Variants in MRRF observed in about 807,000 individuals in gnomAD.
MRRF encodes the protein mitochondrial ribosome recycling factor.
Under a neutral mutation model 25.1 loss-of-function variants are expected in MRRF, and 18 were observed. The observed-to-expected ratio is 0.72, with a 90% CI of 0.50 to 1.06. The LOEUF is 1.06. Ranked by LOEUF, MRRF falls within the 50% of genes least tolerant of loss-of-function variation. The pLI is 0.00. For synonymous variants in MRRF, 113 were observed against 112.1 expected, an observed-to-expected ratio of 1.01 and a Z score of -0.05; for missense variants, 323 against 319.3, an observed-to-expected ratio of 1.01 and a Z score of -0.09.
chr9:122,286,125 C>T (rs1212138671), intron 4 of MRRF: 6 of 1,261,684 alleles, frequency 4.8e-6, no homozygotes, highest in East Asian at 5.6e-5. Context: ...GGGCAAGTTG[C>T]TTCACTCTCT....
chr9:122,317,545 T>C (rs1429126713), intron 6 of MRRF, among the ~76,000 whole-genome samples: 2 of 152,190 alleles, frequency 1.3e-5, no homozygotes, highest in Non-Finnish European at 2.9e-5. Context: ...TTCATTAGAA[T>C]CTACATAGAA....
intron 4 of MRRF, 72 bp from the exon 5 acceptor site, chr9:122,291,677 G>T: frequency 9.3e-7 from 1 of 1,073,730 alleles, no homozygotes; most frequent in South Asian, 1.2e-5. Flanking sequence ...TGGGTTGCCA[G>T]TTATCGACAG....
At chr9:122,292,518 T>C (rs1833839100) in intron 5 of MRRF, among the ~76,000 whole-genome samples, 1 of 152,148 alleles carries the variant, frequency 6.6e-6, no homozygotes, top group Admixed American at 6.5e-5. Flanking sequence ...AGAGAAAATA[T>C]AAGACCTTGA....
At chr9:122,309,560 CAAAG>C (rs1835078401) in intron 5 of MRRF, among the ~76,000 whole-genome samples, 1 of 152,190 alleles carries the variant, frequency 6.6e-6, no homozygotes, top group African/African-American at 2.4e-5. Context: ...TGGGGTCCCA[CAAAG>C]AAAGGTTGGT....
chr9:122,319,129 G>A (rs890209994), intron 6 of MRRF, among the ~76,000 whole-genome samples: 9 of 150,286 alleles, frequency 6.0e-5, no homozygotes, highest in Non-Finnish European at 1.3e-4. Flanking sequence ...CCACACCACT[G>A]AACTTCTTTC....
chr9:122,269,622 G>A (rs1475676908), intron 1 of MRRF, among the ~76,000 whole-genome samples: 1 of 152,158 alleles, frequency 6.6e-6, no homozygotes, highest in Non-Finnish European at 1.5e-5. Flanking sequence ...AGCTACTTGG[G>A]AGGCTGAGGC....
At chr9:122,269,672 G>T (rs2119022895) in intron 1 of MRRF, among the ~76,000 whole-genome samples, 1 of 152,242 alleles carries the variant, frequency 6.6e-6, no homozygotes, top group South Asian at 2.1e-4. Context: ...GTTGCTGTGA[G>T]CCAAGATCGT....
chr9:122,313,486 T>C (rs1027489785), intron 6 of MRRF, 100 bp downstream of exon 6: 1 of 1,293,166 alleles, frequency 7.7e-7, no homozygotes, highest in Non-Finnish European at 1.1e-6. Flanking sequence ...ACCTCTGATC[T>C]TTCATTCACA....
chr9:122,286,261 T>C, intron 4 of MRRF: 1 of 1,204,944 alleles, frequency 8.3e-7, no homozygotes, highest in Non-Finnish European at 1.1e-6. Context: ...CAAACTAGGC[T>C]AGAGATAGGA....
intron 4 of MRRF, 186 bp downstream of exon 4, chr9:122,285,473 C>A (rs1833338844): frequency 1.6e-6 from 1 of 630,010 alleles, no homozygotes; most frequent in Non-Finnish European, 2.9e-6. Flanking sequence ...AACTCAGATG[C>A]TACAGAGGCT....
At chr9:122,269,027 G>A (rs903766487) in intron 1 of MRRF, among the ~76,000 whole-genome samples, 3 of 151,910 alleles carry the variant, frequency 2.0e-5, no homozygotes, top group Non-Finnish European at 2.9e-5. Context: ...TTAGCCGGGC[G>A]TGGTGGCAGG....
rs1483816807 is a variant in MRRF, at chr9:122,272,985, G to A, written c.184+1910G>A. Among the ~76,000 whole-genome samples, 3 of 152,076 alleles carry A rather than the reference G, an allele frequency of 2.0e-5. No homozygotes were observed. The South Asian group carries it at 6.2e-4, about 32-fold the overall frequency. On this transcript the variant is annotated intron_variant, in intron 2 of 6. Coordinates refer to ENST00000344641, the MANE Select transcript of MRRF (RefSeq NM_138777.5). Reference sequence around the variant, plus strand: ...TTGTGTCTGAGCTGTTGATTTTATTGAACTGCTTATCTCTCCCTTCAGTAA... The same window carrying A: ...TTGTGTCTGAGCTGTTGATTTTATTAAACTGCTTATCTCTCCCTTCAGTAA...
chr9:122,288,038 C>T (rs1487210233), intron 4 of MRRF, among the ~76,000 whole-genome samples: 2 of 152,130 alleles, frequency 1.3e-5, no homozygotes, highest in Admixed American at 1.3e-4. Context: ...TGTAGTGACA[C>T]GATGCAGATT....
rs1028221470 is a variant in MRRF, at chr9:122,325,686, T to G, written c.*3069T>G. ...TGTGTGTGTGTGTGTGTGTGTGTGT[T>G]GGAAATTACAAAATAAGTTGGAATG... On this transcript the variant is annotated 3_prime_UTR_variant, in exon 7 of 7. Coordinates refer to ENST00000344641, the MANE Select transcript of MRRF (RefSeq NM_138777.5). The G allele has an allele frequency of 1.0e-5, 1 of 99,898 alleles. No individual in the cohort carries two copies. Among genetic ancestry groups the G allele is most frequent in the South Asian group, 3.1e-4 (1 of 3,214 alleles). The allele number at this position is 99,898 out of a possible 1,614,324, so 6.2% of individuals were successfully genotyped here. A position where few individuals can be genotyped will look rare whatever the true frequency, so the allele number is the denominator to read the frequency against.
At chr9:122,307,478 G>A (rs1326289162) in intron 5 of MRRF, among the ~76,000 whole-genome samples, 1 of 152,134 alleles carries the variant, frequency 6.6e-6, no homozygotes, top group African/African-American at 2.4e-5. Context: ...AATCCTTTGT[G>A]ACCATTTTCT....
Position 122,330,449 on chromosome 9 carries a change from C to G in MRRF, c.*7832C>G, listed in dbSNP as rs1836255973. 1 of 152,276 alleles carries G rather than the reference C, an allele frequency of 6.6e-6. No individual in the cohort carries two copies. Among genetic ancestry groups the G allele is most frequent in the Non-Finnish European group, 1.5e-5 (1 of 68,082 alleles). 9.4% of individuals were successfully genotyped at this position (152,276 alleles called of 1,614,324 possible). ...AAGTCCCTGCTATTCTCTTCCTTTC[C>G]TGGCTCAGGCCTTGATCCAAATAGC... is the stretch of plus-strand genomic sequence containing the variant. On this transcript the variant is annotated 3_prime_UTR_variant, in exon 7 of 7. Transcript: ENST00000344641. The surrounding 1 kb of genome is among the most constrained non-coding windows in gnomAD (Gnocchi z 4.2).
chr9:122,308,228 C>T (rs974000418), intron 5 of MRRF, among the ~76,000 whole-genome samples: 2 of 152,156 alleles, frequency 1.3e-5, no homozygotes, highest in Non-Finnish European at 2.9e-5. Context: ...AGGGTGGGTC[C>T]TGAGCTCCCT....
At chr9:122,268,461 G>A (rs979897708) in intron 1 of MRRF, among the ~76,000 whole-genome samples, 4 of 152,166 alleles carry the variant, frequency 2.6e-5, no homozygotes, top group Admixed American at 6.5e-5. Flanking sequence ...TATGAGTTAG[G>A]CATTGGTTTT....
intron 1 of MRRF, among the ~76,000 whole-genome samples, chr9:122,270,319 C>T (rs1832372425): frequency 6.6e-6 from 1 of 152,168 alleles, no homozygotes; most frequent in South Asian, 2.1e-4. Flanking sequence ...CCATGGAAGA[C>T]CTCAAACCTC....
Sources: gnomAD v4.1 joint callset for allele counts (sites outside exome capture counted in the v4.1 genomes callset) on GRCh38, gnomAD v4.1.1 for gene constraint, Gnocchi (gnomAD v3.1) non-coding constraint, MANE v1.5 for transcripts, NCBI Gene and HGNC (gene_info 2026-07-23, HGNC 2026-07-21) for gene names.